Variants in ATP8B2 observed in about 807,000 individuals in gnomAD.
ATP8B2 encodes the protein phospholipid-transporting ATPase ID.
ATP8B2 carries 70 observed loss-of-function variants against 133.4 expected under a neutral mutation model. That is an observed-to-expected ratio of 0.52 (90% CI 0.43 to 0.64). The LOEUF is 0.64. ATP8B2 is among the 30% of genes least tolerant of loss of function. The pLI is 0.00. For missense variants in ATP8B2, 1,101 were observed against 1,535.7 expected (o/e 0.72, Z 4.73); for synonymous variants, 517 against 589.5 (o/e 0.88, Z 1.78).
chr1:154,346,536 G>A lies in ATP8B2; in HGVS notation c.3024+60G>A. Reference sequence around the variant, plus strand: ...GAAGGAGTGAGCCTTCTGTCCCTGGGGCTGCCCTGGGCACCACAGTTCTGT... The same window carrying A: ...GAAGGAGTGAGCCTTCTGTCCCTGGAGCTGCCCTGGGCACCACAGTTCTGT... On this transcript the variant is annotated intron_variant, in intron 25 of 27. Transcript: ENST00000368489. The surrounding 1 kb of genome is among the most constrained non-coding windows in gnomAD (Gnocchi z 4.5). The A allele has an allele frequency of 1.2e-6, 2 of 1,606,462 alleles. No homozygotes were observed. The highest frequency in any genetic ancestry group is 1.7e-6 in the Non-Finnish European group (2 of 1,175,462).
intron 1 of ATP8B2, among the ~76,000 whole-genome samples, chr1:154,325,917 C>CG (rs1394134821): frequency 6.6e-6 from 1 of 151,966 alleles, no homozygotes; most frequent in Non-Finnish European, 1.5e-5. Flanking sequence ...CGGGGCAGAG[C>CG]GGGGGTCTGC....
chr1:154,338,957 G>A (rs973163435), intron 12 of ATP8B2, among the ~76,000 whole-genome samples: 1 of 152,258 alleles, frequency 6.6e-6, no homozygotes, highest in Non-Finnish European at 1.5e-5. Flanking sequence ...CAGTGAGAAT[G>A]AAGGGGAGGA....
rs375493365 is a variant in ATP8B2, at chr1:154,348,583, C to T, written c.3294+45C>T. Reference sequence around the variant, plus strand: ...GCTGTGGGAGGCAGAGATGGGGTGGCTGGAAAGGCCTCATGTGAACACTGG... The same window carrying T: ...GCTGTGGGAGGCAGAGATGGGGTGGTTGGAAAGGCCTCATGTGAACACTGG... On this transcript the variant is annotated intron_variant, in intron 27 of 27. Coordinates refer to ENST00000368489, the MANE Select transcript of ATP8B2 (RefSeq NM_001370597.1). 3.4e-5 allele frequency: 54 copies of T among 1,603,966 alleles called. 1 individual carries two copies. In the African/African-American group the frequency reaches 6.9e-4, roughly 21 times the overall value.
chr1:154,330,023 G>A (rs987514472), intron 2 of ATP8B2, among the ~76,000 whole-genome samples: 3 of 152,098 alleles, frequency 2.0e-5, no homozygotes, highest in African/African-American at 4.8e-5. Context: ...CGTTTTCAGC[G>A]CTACTCCTTG....
chr1:154,332,315 C>T (rs777137387), intron 8 of ATP8B2, among the ~76,000 whole-genome samples: 1 of 152,090 alleles, frequency 6.6e-6, no homozygotes, highest in Non-Finnish European at 1.5e-5. Context: ...GGGAGGATTG[C>T]TTGAGGCCAG....
intron 26 of ATP8B2, among the ~76,000 whole-genome samples, chr1:154,347,873 G>T (rs1686637660): frequency 6.6e-6 from 1 of 151,062 alleles, no homozygotes; most frequent in Non-Finnish European, 1.5e-5. Flanking sequence ...CCTGGGAGGT[G>T]GAGGTTGTGG....
intron 3 of ATP8B2, 121 bp from the exon 4 acceptor site, chr1:154,330,694 C>T (rs1246785010): frequency 2.3e-6 from 2 of 871,560 alleles, no homozygotes; most frequent in Non-Finnish European, 3.7e-6. Flanking sequence ...CCCTCCCACA[C>T]CTGTGTTTGC....
intron 2 of ATP8B2, among the ~76,000 whole-genome samples, chr1:154,329,234 G>A (rs1192152494): frequency 6.6e-6 from 1 of 152,146 alleles, no homozygotes; most frequent in Non-Finnish European, 1.5e-5. Context: ...TTCTTCGTTT[G>A]CATGGTCTTT....
At position 154,344,594 on chromosome 1, in the gene ATP8B2, C is replaced by G; in HGVS notation, c.2142-47C>G. The G allele has an allele frequency of 6.2e-7, 1 of 1,607,912 alleles. No individual in the cohort carries two copies. Among genetic ancestry groups the G allele is most frequent in the Non-Finnish European group, 8.5e-7 (1 of 1,174,886 alleles). ...CATTTAGACTTGAATCCCTGCTCCC[C>G]ACTGCCGTTCTGGAAGACCACAACC... On this transcript the variant is annotated intron_variant, in intron 20 of 27. Transcript: ENST00000368489. The surrounding 1 kb of genome is among the most constrained non-coding windows in gnomAD (Gnocchi z 4.1).
chr1:154,350,763 A>C lies in ATP8B2; in HGVS notation c.*1645A>C, dbSNP rs533420298. The C allele has an allele frequency of 3.7e-4, 56 of 152,344 alleles. No individual in the cohort carries two copies. The highest frequency in any genetic ancestry group is 5.9e-4 in the Admixed American group (9 of 15,286). 9.4% of individuals were successfully genotyped at this position (152,344 alleles called of 1,614,324 possible). The stretch of plus-strand genomic sequence containing the variant: ...TATGAAGCTATTCCCTAAATAAGGC[A>C]TTTCCCAAGTTAGTCGCTACCTAAT... On this transcript the variant is annotated 3_prime_UTR_variant, in exon 28 of 28. Transcript: ENST00000368489.
intron 11 of ATP8B2, among the ~76,000 whole-genome samples, chr1:154,336,041 C>CAA (rs34783907): frequency 2.4e-4 from 23 of 96,564 alleles, no homozygotes; most frequent in Admixed American, 4.5e-4. Context: ...GGCTCCATCT[C>CAA]AAAAAAAAAA....
At chr1:154,333,305 G>A (rs1178241068) in intron 9 of ATP8B2, among the ~76,000 whole-genome samples, 4 of 151,830 alleles carry the variant, frequency 2.6e-5, no homozygotes, top group Non-Finnish European at 5.9e-5. Flanking sequence ...ACTCCAGCCT[G>A]GGTGACAAGA....
rs1685879150 is a variant in ATP8B2, at chr1:154,328,765, G to A, written c.31+593G>A. ...ACTCAGCGCACGCTGGCATCCGCCGGGGGGCATGGGGGGCGGCGGCGGCGG... is the reference window on the plus strand; with the variant it reads ...ACTCAGCGCACGCTGGCATCCGCCGAGGGGCATGGGGGGCGGCGGCGGCGG... On this transcript the variant is annotated intron_variant, in intron 2 of 27. Transcript: ENST00000368489. The surrounding 1 kb of genome is among the most constrained non-coding windows in gnomAD (Gnocchi z 4.6). The A allele has an allele frequency of 5.0e-6, 5 of 997,334 alleles. No homozygotes were observed. The highest frequency in any genetic ancestry group is 6.0e-6 in the Non-Finnish European group (5 of 838,440). 61.8% of individuals were successfully genotyped at this position (997,334 alleles called of 1,614,324 possible). A position where few individuals can be genotyped will look rare whatever the true frequency, so the allele number is the denominator to read the frequency against.
At chr1:154,327,816 C>T in intron 1 of ATP8B2, 1 of 1,613,912 alleles carries the variant, frequency 6.2e-7, no homozygotes, top group South Asian at 1.1e-5. Flanking sequence ...ACCTTGAGAG[C>T]TGTTCCCCTT....
intron 13 of ATP8B2, 27 bp from the exon 14 acceptor site, chr1:154,342,453 T>A: frequency 2.5e-6 from 4 of 1,612,760 alleles, no homozygotes; most frequent in Non-Finnish European, 2.5e-6. Flanking sequence ...CTGACATTGC[T>A]TCTTTTTCTG....
Position 154,344,529 on chromosome 1 carries a change from C to A in ATP8B2, c.2141+29C>A, listed in dbSNP as rs1383928834. ...AACAAGAAGCCCAGGGGAGGCGGTG[C>A]TGTGCGTTGTGCCCAGGGCTCAGGT... is the stretch of plus-strand genomic sequence containing the variant. On this transcript the variant is annotated intron_variant, in intron 20 of 27. Coordinates refer to ENST00000368489, the MANE Select transcript of ATP8B2 (RefSeq NM_001370597.1). This position sits in a 1 kb window ranked among gnomAD's most constrained non-coding sequence, Gnocchi z 4.1. 6.2e-7 allele frequency: 1 copy of A among 1,614,034 alleles called. No individual in the cohort carries two copies. The highest frequency in any genetic ancestry group is 1.1e-5 in the South Asian group (1 of 91,090).
chr1:154,334,332 G>C lies in ATP8B2; in HGVS notation c.748+67G>C. ...TCAGCCAGCCCTCACTCAGGAGTAT[G>C]GGATGAGGTGGGAGAATACCTAAGG... On this transcript the variant is annotated intron_variant, in intron 10 of 27. Transcript: ENST00000368489. The surrounding 1 kb of genome is among the most constrained non-coding windows in gnomAD (Gnocchi z 4.6). 1 of 1,587,376 alleles carries C rather than the reference G, an allele frequency of 6.3e-7. No individual in the cohort carries two copies. Among genetic ancestry groups the C allele is most frequent in the Non-Finnish European group, 8.6e-7 (1 of 1,160,952 alleles).
In ATP8B2 at chr1:154,331,540, G is replaced by C; in HGVS notation, c.365+35G>C. 6.2e-7 allele frequency: 1 copy of C among 1,613,606 alleles called. No individual in the cohort carries two copies. Among genetic ancestry groups the C allele is most frequent in the Non-Finnish European group, 8.5e-7 (1 of 1,179,468 alleles). On this transcript the variant is annotated intron_variant, in intron 6 of 27. Coordinates refer to ENST00000368489, the MANE Select transcript of ATP8B2 (RefSeq NM_001370597.1). This position sits in a 1 kb window ranked among gnomAD's most constrained non-coding sequence, Gnocchi z 4.8. ...TGTTGGAGACAAGAGCTCTGGGGAC[G>C]AAGGGGGTCCCTTAGGAACCTCTTT...
Position 154,349,369 on chromosome 1 carries a change from C to T in ATP8B2, c.*251C>T. The T allele has an allele frequency of 1.9e-6, 1 of 538,606 alleles. No homozygotes were observed. The highest frequency in any genetic ancestry group is 2.8e-5 in the South Asian group (1 of 35,664). 33.4% of individuals were successfully genotyped at this position (538,606 alleles called of 1,614,324 possible). The stretch of plus-strand genomic sequence containing the variant: ...GCTGAGGCACGGGGAGCCAGCCCCA[C>T]TCGGGGACCAGAAGTGGAACCAAAA... On this transcript the variant is annotated 3_prime_UTR_variant, in exon 28 of 28. Coordinates refer to ENST00000368489, the MANE Select transcript of ATP8B2 (RefSeq NM_001370597.1).
Sources: allele counts gnomAD v4.1 joint callset (sites outside exome capture counted in the v4.1 genomes callset), GRCh38; gene constraint gnomAD v4.1.1; non-coding constraint Gnocchi (gnomAD v3.1); transcripts MANE v1.5; gene names NCBI Gene and HGNC (gene_info 2026-07-23, HGNC 2026-07-21).